JAKMIP2: variants seen among roughly 807,000 people sequenced by gnomAD.
JAKMIP2 encodes the protein janus kinase and microtubule-interacting protein 2.
In JAKMIP2, 25 loss-of-function variants were observed where a neutral mutation model predicts 115.0. That is an observed-to-expected ratio of 0.22 (90% confidence interval 0.16 to 0.30). The LOEUF (loss-of-function observed/expected upper bound fraction) is 0.30, where lower values mean the gene tolerates loss of function less well. Among genes scored for constraint, JAKMIP2 ranks in the 10% least tolerant of loss-of-function variants. The pLI, the probability that JAKMIP2 is intolerant of heterozygous loss-of-function variation, is 1.00. For missense variants in JAKMIP2, 642 were observed against 957.6 expected (o/e 0.67, Z 4.35); for synonymous variants, 334 against 343.6 (o/e 0.97, Z 0.31).
At position 147,585,999 on chromosome 5, in the gene JAKMIP2, A is replaced by C. The variant is rs1754854473; in HGVS notation, c.*5708T>G. The C allele has an allele frequency of 6.6e-6, 1 of 151,738 alleles. No homozygotes were observed. The highest frequency in any genetic ancestry group is 2.1e-4 in the South Asian group (1 of 4,822). The allele number at this position is 151,738 out of a possible 1,614,324, so 9.4% of individuals were successfully genotyped here. A position where few individuals can be genotyped will look rare whatever the true frequency, so the allele number is the denominator to read the frequency against. Reference sequence around the variant, plus strand: ...AGAAACATCAACCAACCAACCAAACAAATAAAAAAAACCTATTTGCTGGTT... The same window carrying C: ...AGAAACATCAACCAACCAACCAAACCAATAAAAAAAACCTATTTGCTGGTT... On this transcript the variant is annotated 3_prime_UTR_variant, in exon 22 of 22. Coordinates refer to ENST00000616793, the MANE Select transcript of JAKMIP2 (RefSeq NM_001270941.2).
chr5:147,627,805 CT>C (rs1380221000), intron 16 of JAKMIP2, among the ~76,000 whole-genome samples: 1 of 150,984 alleles, frequency 6.6e-6, no homozygotes, highest in Non-Finnish European at 1.5e-5. Flanking sequence ...ACAAAATGTC[CT>C]TTTTAAAAAA....
At chr5:147,730,780 C>T (rs1185803271) in intron 1 of JAKMIP2, among the ~76,000 whole-genome samples, 1 of 151,998 alleles carries the variant, frequency 6.6e-6, no homozygotes, top group Non-Finnish European at 1.5e-5. Context: ...AAGCCAGAAT[C>T]CTATTAGTTC....
At chr5:147,713,229 T>C (rs1752848975) in intron 1 of JAKMIP2, among the ~76,000 whole-genome samples, 1 of 152,208 alleles carries the variant, frequency 6.6e-6, no homozygotes, top group South Asian at 2.1e-4. Flanking sequence ...TTAACATTTG[T>C]TTAATTTCTT....
At chr5:147,655,132 G>A (rs193109796) in intron 3 of JAKMIP2, among the ~76,000 whole-genome samples, 172 of 152,242 alleles carry the variant, frequency 1.1e-3, no homozygotes, top group African/African-American at 3.8e-3. Flanking sequence ...TTTTCACATC[G>A]ATGTTCATCA....
rs186513245 is a variant in JAKMIP2 at position 147,748,296 on chromosome 5, A to T, written c.-149+34160T>A. Among the ~76,000 whole-genome samples the T allele has an allele frequency of 2.0e-3, 303 of 152,318 alleles. 7 individuals are homozygous for T. In the Middle Eastern group the frequency reaches 0.027, roughly 14 times the overall value. On this transcript the variant is annotated intron_variant, in intron 1 of 21. Transcript: ENST00000616793. The stretch of plus-strand genomic sequence containing the variant: ...AATAATATATATATATAAATCCCAC[A>T]GAACAGTTTCTGGCCAATTCTAATT...
chr5:147,632,066 A>G lies in JAKMIP2; in HGVS notation c.1777-555T>C, dbSNP rs567839493. Among the ~76,000 whole-genome samples, 4 of 152,338 alleles carry G rather than the reference A, an allele frequency of 2.6e-5. No homozygotes were observed. The South Asian group carries it at 6.2e-4, about 24-fold the overall frequency. On this transcript the variant is annotated intron_variant, in intron 13 of 21. Transcript: ENST00000616793. Reference sequence around the variant, plus strand: ...CATACACTGAACCAGATCCTAAGTCAGATTCTGCAGGATACAATCAAAATC... The same window carrying G: ...CATACACTGAACCAGATCCTAAGTCGGATTCTGCAGGATACAATCAAAATC...
intron 1 of JAKMIP2, among the ~76,000 whole-genome samples, chr5:147,709,937 T>G (rs1655801548): frequency 6.6e-6 from 1 of 152,224 alleles, no homozygotes; most frequent in Admixed American, 6.5e-5. Flanking sequence ...CATTGTCCTC[T>G]GTATTTCATT....
rs11312315 is a variant in JAKMIP2, at chr5:147,715,845, CTT to C, written c.-148-43893_-148-43892del. ...TTTTTTTTTTTGGCCAATTTACTTT[CTT>C]TTTTTTTTAATTATACTTTAAGTTT... On this transcript the variant is annotated intron_variant, in intron 1 of 21. Transcript: ENST00000616793. 5.1e-3 allele frequency among the ~76,000 whole-genome samples: 700 copies of C among 138,370 alleles called. 3 individuals are homozygous for C. The highest frequency in any genetic ancestry group is 0.017 in the African/African-American group (660 of 38,062). The allele number at this position is 138,370 out of a possible 152,430, so 90.8% of individuals were successfully genotyped here.
chr5:147,656,751 A>G (rs542696243), intron 3 of JAKMIP2, among the ~76,000 whole-genome samples: 2 of 152,270 alleles, frequency 1.3e-5, no homozygotes, highest in South Asian at 4.1e-4. Flanking sequence ...GTTATTTTGC[A>G]CACTAATTGA....
In JAKMIP2 at chr5:147,632,614, C is replaced by T; in HGVS notation, c.1776+66G>A. ...AAATGCTTAATACAGCGCCTAGCTCCTCAATGTGCTCTGTGCATGTTAATC... is the reference window on the plus strand; with the variant it reads ...AAATGCTTAATACAGCGCCTAGCTCTTCAATGTGCTCTGTGCATGTTAATC... On this transcript the variant is annotated intron_variant, in intron 13 of 21. Transcript: ENST00000616793. 6 of 1,024,618 alleles carry T rather than the reference C, an allele frequency of 5.9e-6. No homozygotes were observed. In the Middle Eastern group the frequency reaches 6.4e-4, roughly 110 times the overall value. The allele number at this position is 1,024,618 out of a possible 1,614,324, so 63.5% of individuals were successfully genotyped here.
intron 1 of JAKMIP2, among the ~76,000 whole-genome samples, chr5:147,781,997 C>G (rs956084735): frequency 3.3e-5 from 5 of 152,124 alleles, no homozygotes; most frequent in African/African-American, 1.2e-4. Flanking sequence ...GCCACTTTTT[C>G]TAAGCAATCA....
chr5:147,661,631 A>T (rs1758982095), intron 2 of JAKMIP2, 186 bp from the exon 3 acceptor site: 1 of 588,292 alleles, frequency 1.7e-6, no homozygotes, highest in Non-Finnish European at 3.0e-6. Context: ...AGAGGAGGAA[A>T]TACCTGAGGA....
intron 1 of JAKMIP2, among the ~76,000 whole-genome samples, chr5:147,675,638 A>G (rs888298418): frequency 2.3e-5 from 3 of 129,926 alleles, no homozygotes; most frequent in African/African-American, 7.5e-5. Flanking sequence ...AAGAAACTCT[A>G]TACCTGTTAG....
chr5:147,730,903 A>G (rs564724486), intron 1 of JAKMIP2, among the ~76,000 whole-genome samples: 1 of 152,210 alleles, frequency 6.6e-6, no homozygotes, highest in Non-Finnish European at 1.5e-5. Flanking sequence ...CTGTATTAGG[A>G]GGTGAGCTCA....
chr5:147,781,200 A>G (rs1755744897), intron 1 of JAKMIP2, among the ~76,000 whole-genome samples: 1 of 152,214 alleles, frequency 6.6e-6, no homozygotes, highest in African/African-American at 2.4e-5. Context: ...CGGCTGGGCT[A>G]GGGTGCTTGG....
chr5:147,770,806 T>C (rs893741452), intron 1 of JAKMIP2, among the ~76,000 whole-genome samples: 2 of 152,290 alleles, frequency 1.3e-5, no homozygotes, highest in African/African-American at 4.8e-5. Context: ...CTAGATAATT[T>C]TCTTTTTAAA....
intron 3 of JAKMIP2, among the ~76,000 whole-genome samples, chr5:147,658,068 T>C (rs1758768393): frequency 6.6e-6 from 1 of 152,064 alleles, no homozygotes; most frequent in Non-Finnish European, 1.5e-5. Context: ...GTTGTGAACG[T>C]TTGGAGGAGA....
intron 2 of JAKMIP2, among the ~76,000 whole-genome samples, chr5:147,663,048 C>T (rs1944365829): frequency 6.6e-6 from 1 of 151,802 alleles, no homozygotes; most frequent in African/African-American, 2.4e-5. Context: ...GGAGTAATAG[C>T]TAGTTGAGTG....
In JAKMIP2 at chr5:147,782,683, G is replaced by GCAT; in HGVS notation, c.-379_-377dup. ...GGCGGCGGCAGCAGCAGCAGCAGCA[G>GCAT]CATCACCAGTTGGGCCTCCTCCCTC... On this transcript the variant is annotated 5_prime_UTR_variant, in exon 1 of 22. In the 5' UTR this introduces an upstream ATG that the reference lacks. Coordinates refer to ENST00000616793, the MANE Select transcript of JAKMIP2 (RefSeq NM_001270941.2). 2 of 653,404 alleles carry GCAT rather than the reference G, an allele frequency of 3.1e-6. No homozygotes were observed. Among genetic ancestry groups the GCAT allele is most frequent in the Non-Finnish European group, 5.6e-6 (2 of 357,654 alleles). The allele number at this position is 653,404 out of a possible 1,614,324, so 40.5% of individuals were successfully genotyped here. A position where few individuals can be genotyped will look rare whatever the true frequency, so the allele number is the denominator to read the frequency against.
Sources: gnomAD v4.1 joint callset for allele counts (sites outside exome capture counted in the v4.1 genomes callset) on GRCh38, gnomAD v4.1.1 for gene constraint, MANE v1.5 for transcripts, NCBI Gene and HGNC (gene_info 2026-07-23, HGNC 2026-07-21) for gene names.